Variants in HYDIN observed in about 807,000 individuals in gnomAD.
The protein encoded by HYDIN is HYDIN axonemal central pair apparatus protein, also known as axonemal central pair apparatus protein HYDIN.
Under a neutral mutation model 403.9 loss-of-function variants are expected in HYDIN, and 132 were observed. The observed-to-expected ratio is 0.33, with a 90% CI of 0.28 to 0.38. The LOEUF (loss-of-function observed/expected upper bound fraction) is 0.38, where lower values mean the gene tolerates loss of function less well. HYDIN is among the 10% of genes least tolerant of loss of function. The pLI is 1.00. For missense variants in HYDIN, 2,827 were observed against 5,009.5 expected, an observed-to-expected ratio of 0.56 and a Z score of 13.15; for synonymous variants, 1,202 against 1,891.7, an observed-to-expected ratio of 0.64 and a Z score of 9.46.
At chr16:71,196,202 T>G (rs2087691611) in intron 1 of HYDIN, among the ~76,000 whole-genome samples, 1 of 152,248 alleles carries the variant, frequency 6.6e-6, no homozygotes, top group Non-Finnish European at 1.5e-5. Context: ...TCAACTTGAC[T>G]GGGACACGAG....
intron 58 of HYDIN, among the ~76,000 whole-genome samples, chr16:70,886,195 C>G (rs2041122793): frequency 1.3e-5 from 2 of 152,084 alleles, no homozygotes; most frequent in Admixed American, 1.3e-4. Flanking sequence ...CCCGGAACAG[C>G]AAGACTTCGT....
At chr16:70,898,443 T>C (rs2143743003) in intron 53 of HYDIN, among the ~76,000 whole-genome samples, 1 of 151,710 alleles carries the variant, frequency 6.6e-6, no homozygotes, top group Non-Finnish European at 1.5e-5. Flanking sequence ...CCAGAACCTC[T>C]GGGCTTCTAC....
chr16:70,907,651 G>A (rs2076573082), intron 49 of HYDIN, among the ~76,000 whole-genome samples, 160 bp from the exon 50 acceptor site: 1 of 148,536 alleles, frequency 6.7e-6, no homozygotes, highest in African/African-American at 2.5e-5. Context: ...CCCACCACCA[G>A]AGAAGACAGT....
At chr16:71,219,210 A>G (rs1253323682) in intron 1 of HYDIN, among the ~76,000 whole-genome samples, 1 of 152,220 alleles carries the variant, frequency 6.6e-6, no homozygotes, top group Non-Finnish European at 1.5e-5. Flanking sequence ...TTAAAGAAAT[A>G]AAAACAGACA....
intron 3 of HYDIN, 86 bp from the exon 4 acceptor site, chr16:71,179,133 G>A: frequency 1.0e-6 from 1 of 993,040 alleles, no homozygotes; most frequent in Non-Finnish European, 1.5e-6. Context: ...GTAGACCTGT[G>A]GATATTAAAA....
At chr16:71,229,982 T>G (rs1301849360) in intron 1 of HYDIN, among the ~76,000 whole-genome samples, 3 of 152,128 alleles carry the variant, frequency 2.0e-5, no homozygotes, top group Admixed American at 6.5e-5. Context: ...CTGACGAGAT[T>G]TGATGGTTTT....
chr16:71,196,995 C>G (rs1321398329), intron 1 of HYDIN, among the ~76,000 whole-genome samples: 1 of 152,132 alleles, frequency 6.6e-6, no homozygotes, highest in African/African-American at 2.4e-5. Context: ...TTCTTTATCC[C>G]TTTACTTTCC....
intron 1 of HYDIN, among the ~76,000 whole-genome samples, chr16:71,195,202 A>G (rs533090025): frequency 8.2e-4 from 125 of 152,220 alleles, no homozygotes; most frequent in South Asian, 1.7e-3. Flanking sequence ...CACTTTGCAC[A>G]GTGCCTGGCA....
intron 39 of HYDIN, among the ~76,000 whole-genome samples, chr16:70,956,249 CT>C (rs1211771932): frequency 5.0e-5 from 3 of 60,068 alleles, no homozygotes; most frequent in Non-Finnish European, 6.3e-5. Flanking sequence ...TTTCAAGGTA[CT>C]TTCATTACAA....
intron 1 of HYDIN, among the ~76,000 whole-genome samples, chr16:71,216,776 G>C (rs887896888): frequency 6.6e-6 from 1 of 152,206 alleles, no homozygotes; most frequent in Non-Finnish European, 1.5e-5. Context: ...TCCTACCCTA[G>C]AGATTCTGAT....
intron 35 of HYDIN, 109 bp from the exon 36 acceptor site, chr16:70,970,868 A>C: frequency 9.6e-7 from 1 of 1,041,200 alleles, no homozygotes; most frequent in Non-Finnish European, 1.4e-6. Flanking sequence ...TTAAGGGAGA[A>C]AACTTATTAT....
intron 75 of HYDIN, among the ~76,000 whole-genome samples, chr16:70,848,932 A>G (rs1454910342): frequency 6.8e-6 from 1 of 147,588 alleles, no homozygotes; most frequent in African/African-American, 2.5e-5. Flanking sequence ...GTTTGCTCCT[A>G]AGGTCAATGC....
chr16:71,135,891 C>T (rs560875035), intron 8 of HYDIN, among the ~76,000 whole-genome samples: 3 of 148,998 alleles, frequency 2.0e-5, no homozygotes, highest in Non-Finnish European at 3.0e-5. Context: ...CTGTCATTGT[C>T]GTGGCTTCTG....
At chr16:71,019,507 C>G (rs991858515) in intron 22 of HYDIN, among the ~76,000 whole-genome samples, 6 of 152,310 alleles carry the variant, frequency 3.9e-5, no homozygotes, top group Non-Finnish European at 8.8e-5. Context: ...AATCTTACCA[C>G]TGGCACAAGG....
At position 71,064,705 on chromosome 16, in the gene HYDIN, C is replaced by A; in HGVS notation, c.2211G>T (p.Gln737His). 1 of 1,613,130 alleles carries A rather than the reference C, an allele frequency of 6.2e-7. No individual in the cohort carries two copies. The highest frequency in any genetic ancestry group is 8.5e-7 in the Non-Finnish European group (1 of 1,179,744). The change falls in exon 16 of 86, where the codon CAG becomes CAT. Residue 737 changes from glutamine (Q) to histidine (H), a missense_variant and splice_region_variant. Coordinates refer to ENST00000393567, the MANE Select transcript of HYDIN (RefSeq NM_001270974.2). ...ACTGAAGAAGGAGAAAGGAACTCAC[C>A]TGAGGCTGGACCTCATAGAATCCTG... is the stretch of plus-strand genomic sequence containing the variant. ...DLPGFYEVQP[Q>H]VCEEVPTVLF...
chr16:70,976,858 C>T (rs1201752635), intron 30 of HYDIN, among the ~76,000 whole-genome samples: 1 of 152,058 alleles, frequency 6.6e-6, no homozygotes, highest in Non-Finnish European at 1.5e-5. Context: ...AGTCTAGGCC[C>T]AGCAGGGAAG....
chr16:71,229,069 C>A (rs1365356491), intron 1 of HYDIN, among the ~76,000 whole-genome samples: 1 of 149,744 alleles, frequency 6.7e-6, no homozygotes, highest in African/African-American at 2.5e-5. Context: ...AAAAACCAAA[C>A]ACCGCATGTT....
chr16:71,038,474 CT>C (rs1422065781), intron 18 of HYDIN, among the ~76,000 whole-genome samples: 4 of 151,824 alleles, frequency 2.6e-5, no homozygotes, highest in Non-Finnish European at 5.9e-5. Context: ...GTGCACTTTT[CT>C]TCCAAATAAC....
intron 75 of HYDIN, 135 bp downstream of exon 75, chr16:70,849,591 G>C: frequency 1.7e-6 from 1 of 603,976 alleles, no homozygotes; most frequent in South Asian, 2.0e-5. Context: ...GACATTGTGA[G>C]GCTGTGTCCA....
Sources: allele counts gnomAD v4.1 joint callset (sites outside exome capture counted in the v4.1 genomes callset), GRCh38; gene constraint gnomAD v4.1.1; transcripts MANE v1.5; gene names NCBI Gene and HGNC (gene_info 2026-07-23, HGNC 2026-07-21).